TPD52: variants seen among roughly 807,000 people sequenced by gnomAD.
TPD52 encodes tumor protein D52, also known as prostate and colon associated protein.
In TPD52, 17 loss-of-function variants were observed where a neutral mutation model predicts 31.3. That is an observed-to-expected ratio of 0.54 (90% CI 0.37 to 0.82). The LOEUF is 0.82. Ranked by LOEUF, TPD52 falls within the 40% of genes least tolerant of loss-of-function variation. TPD52 has a pLI of 0.00. For missense variants in TPD52, 212 were observed against 240.1 expected (o/e 0.88, Z 0.77); for synonymous variants, 83 against 89.6 (o/e 0.93, Z 0.42).
At chr8:80,039,998 C>A (rs540508410) in intron 7 of TPD52, among the ~76,000 whole-genome samples, 1 of 152,130 alleles carries the variant, frequency 6.6e-6, no homozygotes, top group East Asian at 1.9e-4. Flanking sequence ...TGTGGTAACT[C>A]TGGTGCCTAA....
intron 2 of TPD52, among the ~76,000 whole-genome samples, chr8:80,054,259 G>T (rs1449670565): frequency 3.3e-5 from 5 of 152,214 alleles, no homozygotes; most frequent in Non-Finnish European, 7.3e-5. Context: ...AGGCTACAGT[G>T]AGATTATGAG....
chr8:80,068,738 C>T (rs772276344), intron 1 of TPD52, among the ~76,000 whole-genome samples: 5 of 152,130 alleles, frequency 3.3e-5, no homozygotes, highest in African/African-American at 7.2e-5. Context: ...CAATGCATCT[C>T]GCTGATTCCC....
chr8:80,114,194 G>A (rs1291478821), intron 1 of TPD52, among the ~76,000 whole-genome samples: 2 of 152,070 alleles, frequency 1.3e-5, no homozygotes, highest in African/African-American at 4.8e-5. Flanking sequence ...AGTGAAGATC[G>A]TGCCACTGCA....
At chr8:80,069,599 T>C (rs1014713803) in intron 1 of TPD52, among the ~76,000 whole-genome samples, 7 of 152,212 alleles carry the variant, frequency 4.6e-5, no homozygotes, top group Admixed American at 3.9e-4. Context: ...AAGACCAGCC[T>C]GGGCAACGTG....
rs368739518 is a variant in TPD52, at chr8:80,076,543, G to GA, written c.20-11951dup. Among the ~76,000 whole-genome samples, 980 of 151,690 alleles carry GA rather than the reference G, an allele frequency of 6.5e-3. 6 individuals are homozygous for GA. Among genetic ancestry groups the GA allele is most frequent in the African/African-American group, 0.021 (884 of 41,354 alleles). ...GAGGAGGAAGAGGAGCAAAAAAAGG[G>GA]AAAAAAAATCACTACTGTGTATCAG... On this transcript the variant is annotated intron_variant, in intron 1 of 7. Transcript: ENST00000518937.
intron 1 of TPD52, among the ~76,000 whole-genome samples, chr8:80,101,847 G>C (rs563870814): frequency 6.6e-6 from 1 of 152,302 alleles, no homozygotes; most frequent in African/African-American, 2.4e-5. Flanking sequence ...CAACACCGGG[G>C]AGTATCACAT....
intron 1 of TPD52, among the ~76,000 whole-genome samples, chr8:80,147,634 T>C (rs1810287589): frequency 6.6e-6 from 1 of 152,080 alleles, no homozygotes; most frequent in Admixed American, 6.6e-5. Context: ...CCACCCCAGC[T>C]CCCAGCCCCC....
At chr8:80,072,798 C>CATATATATATATATATATATAT (rs779389191) in intron 1 of TPD52, among the ~76,000 whole-genome samples, 14 of 141,050 alleles carry the variant, frequency 9.9e-5, no homozygotes, top group African/African-American at 3.9e-4. Context: ...CACACACACA[C>CATATATATATATATATATATAT]ATATATATAT....
At chr8:80,147,121 T>G (rs1056680119) in intron 1 of TPD52, among the ~76,000 whole-genome samples, 1 of 152,220 alleles carries the variant, frequency 6.6e-6, no homozygotes, top group East Asian at 1.9e-4. Flanking sequence ...TAAGAAAAGG[T>G]TGGCCAGACT....
intron 5 of TPD52, among the ~76,000 whole-genome samples, chr8:80,049,882 A>G (rs2130502289): frequency 6.6e-6 from 1 of 152,330 alleles, no homozygotes; most frequent in African/African-American, 2.4e-5. Context: ...GAATAAAATC[A>G]TAAAAACTAT....
intron 1 of TPD52, among the ~76,000 whole-genome samples, chr8:80,082,378 A>G (rs1815384373): frequency 1.3e-5 from 2 of 152,142 alleles, no homozygotes; most frequent in African/African-American, 2.4e-5. Context: ...GGCCCTCTCC[A>G]TAACTCTGCA....
intron 1 of TPD52, among the ~76,000 whole-genome samples, chr8:80,166,880 T>C (rs1174316589): frequency 3.9e-5 from 6 of 152,238 alleles, no homozygotes; most frequent in Non-Finnish European, 5.9e-5. Context: ...CACTCCACCC[T>C]GGGTGGCAGA....
At chr8:80,071,364 T>C (rs1813757979) in intron 1 of TPD52, among the ~76,000 whole-genome samples, 1 of 152,134 alleles carries the variant, frequency 6.6e-6, no homozygotes, top group African/African-American at 2.4e-5. Context: ...GGATTTGCTG[T>C]TTCCCCCAGG....
intron 1 of TPD52, among the ~76,000 whole-genome samples, chr8:80,092,869 A>G (rs56935804): frequency 0.37 from 54,801 of 149,848 alleles, 11,130 homozygotes; most frequent in East Asian, 0.7. Context: ...GGAGTTGAGC[A>G]GGGGTGGGGG....
chr8:80,129,977 C>T (rs967792513), intron 1 of TPD52, among the ~76,000 whole-genome samples: 3 of 152,176 alleles, frequency 2.0e-5, no homozygotes, highest in East Asian at 1.9e-4. Flanking sequence ...GGATTACAGG[C>T]GTAAGCCGTT....
intron 7 of TPD52, among the ~76,000 whole-genome samples, chr8:80,040,222 TC>T (rs1810249347): frequency 8.1e-6 from 1 of 123,108 alleles, no homozygotes; most frequent in African/African-American, 3.4e-5. Context: ...TGAGACAGGG[TC>T]TGGCTCTGTC....
At chr8:80,160,172 C>T (rs1323718529) in intron 1 of TPD52, among the ~76,000 whole-genome samples, 1 of 146,830 alleles carries the variant, frequency 6.8e-6, no homozygotes, top group Non-Finnish European at 1.5e-5. Context: ...GCCTGGGTGA[C>T]AGAGCAAGAC....
At chr8:80,150,991 C>A (rs1341871573) in intron 1 of TPD52, among the ~76,000 whole-genome samples, 2 of 152,108 alleles carry the variant, frequency 1.3e-5, no homozygotes, top group Non-Finnish European at 2.9e-5. Flanking sequence ...TTGGCTGTGT[C>A]CCCACCCAAA....
Position 80,063,141 on chromosome 8 carries a change from A to G in TPD52, c.135+1337T>C, listed in dbSNP as rs1382663189. The stretch of plus-strand genomic sequence containing the variant: ...ACCCACCATAGTCAAAAGGTGAAAA[A>G]TCACCCAAATGTCTATGAATGGATA... On this transcript the variant is annotated intron_variant, in intron 2 of 7. Coordinates refer to ENST00000518937, the MANE Select transcript of TPD52 (RefSeq NM_001025253.3). Among the ~76,000 whole-genome samples the G allele has an allele frequency of 2.0e-5, 3 of 152,344 alleles. No homozygotes were observed. The East Asian group carries it at 5.8e-4, about 29-fold the overall frequency.
Sources: gnomAD v4.1 joint callset for allele counts (sites outside exome capture counted in the v4.1 genomes callset) on GRCh38, gnomAD v4.1.1 for gene constraint, MANE v1.5 for transcripts, NCBI Gene and HGNC (gene_info 2026-07-23, HGNC 2026-07-21) for gene names.